The following GABRB2 variants were observed in gnomAD, a reference collection of about 807,000 sequenced individuals.
GABRB2 encodes gamma-aminobutyric acid type A receptor subunit beta2, also known as gamma-aminobutyric acid receptor subunit beta-2.
In GABRB2, 16 loss-of-function variants were observed where a neutral mutation model predicts 54.7. The observed-to-expected ratio is 0.29, with a 90% confidence interval of 0.20 to 0.44. The LOEUF (loss-of-function observed/expected upper bound fraction) is 0.44. Among genes scored for constraint, GABRB2 ranks in the 20% least tolerant of loss-of-function variants. The pLI, the probability that GABRB2 is intolerant of heterozygous loss-of-function variation, is 1.00. For missense variants in GABRB2, 355 were observed against 644.0 expected, an observed-to-expected ratio of 0.55 and a Z score of 4.86; for synonymous variants, 244 against 233.8, an observed-to-expected ratio of 1.04 and a Z score of -0.40.
intron 9 of GABRB2, among the ~76,000 whole-genome samples, chr5:161,321,262 T>C (rs966162803): frequency 2.0e-5 from 3 of 152,126 alleles, no homozygotes; most frequent in Non-Finnish European, 2.9e-5. Flanking sequence ...GTTCCTGTTA[T>C]AAATTAGCAA....
At chr5:161,306,004 T>C (rs1757681171) in intron 9 of GABRB2, among the ~76,000 whole-genome samples, 1 of 152,216 alleles carries the variant, frequency 6.6e-6, no homozygotes, top group African/African-American at 2.4e-5. Flanking sequence ...AATGTGAAAG[T>C]GGATCATGTT....
At chr5:161,481,598 C>G (rs1162335503) in intron 3 of GABRB2, among the ~76,000 whole-genome samples, 1 of 151,994 alleles carries the variant, frequency 6.6e-6, no homozygotes. Context: ...GTAACAGTAT[C>G]TAGCCTCATC....
intron 4 of GABRB2, among the ~76,000 whole-genome samples, chr5:161,446,077 T>C (rs1165882599): frequency 2.0e-5 from 3 of 152,210 alleles, no homozygotes; most frequent in Non-Finnish European, 2.9e-5. Context: ...TTATTATGTT[T>C]AACTTCCACA....
At chr5:161,511,710 TGAGG>T (rs772786432) in intron 3 of GABRB2, among the ~76,000 whole-genome samples, 3 of 151,984 alleles carry the variant, frequency 2.0e-5, no homozygotes, top group Non-Finnish European at 4.4e-5. Flanking sequence ...CTGAGGGCTG[TGAGG>T]GAAGAATCTG....
chr5:161,338,149 T>C (rs1483402278), intron 5 of GABRB2, among the ~76,000 whole-genome samples: 1 of 152,138 alleles, frequency 6.6e-6, no homozygotes, highest in Non-Finnish European at 1.5e-5. Flanking sequence ...ATACCTTCAA[T>C]TGGAGAATCT....
intron 8 of GABRB2, among the ~76,000 whole-genome samples, chr5:161,327,665 G>A (rs1297709900): frequency 1.3e-5 from 2 of 152,096 alleles, no homozygotes; most frequent in African/African-American, 2.4e-5. Flanking sequence ...TCCCACCTGG[G>A]CAGGCTTCCC....
At chr5:161,377,501 A>G (rs1457431450) in intron 5 of GABRB2, among the ~76,000 whole-genome samples, 1 of 152,138 alleles carries the variant, frequency 6.6e-6, no homozygotes, top group Non-Finnish European at 1.5e-5. Flanking sequence ...GTAATTAAAA[A>G]TCATTCTACC....
At chr5:161,412,476 T>C (rs374386792) in intron 4 of GABRB2, among the ~76,000 whole-genome samples, 1 of 151,852 alleles carries the variant, frequency 6.6e-6, no homozygotes, top group Non-Finnish European at 1.5e-5. Flanking sequence ...AGGAGCTTGG[T>C]CTCCCAGCCA....
At chr5:161,541,762 C>A (rs1217934945) in intron 3 of GABRB2, among the ~76,000 whole-genome samples, 1 of 152,186 alleles carries the variant, frequency 6.6e-6, no homozygotes, top group Non-Finnish European at 1.5e-5. Flanking sequence ...CTATCAAGAG[C>A]ACTAAAACTT....
chr5:161,499,010 C>T (rs1759343254), intron 3 of GABRB2, among the ~76,000 whole-genome samples: 1 of 152,124 alleles, frequency 6.6e-6, no homozygotes, highest in African/African-American at 2.4e-5. Flanking sequence ...ATGTTTACCC[C>T]CACATCCACA....
At chr5:161,472,201 G>A (rs1195091152) in intron 3 of GABRB2, among the ~76,000 whole-genome samples, 1 of 151,766 alleles carries the variant, frequency 6.6e-6, no homozygotes, top group Non-Finnish European at 1.5e-5. Context: ...CATTTTCCAA[G>A]TGACACATCT....
chr5:161,412,592 C>A (rs1489248079), intron 4 of GABRB2, among the ~76,000 whole-genome samples: 1 of 152,178 alleles, frequency 6.6e-6, no homozygotes, highest in Admixed American at 6.5e-5. Context: ...ATGGCTCTTC[C>A]AAGATGAGCC....
chr5:161,485,066 T>C (rs1008531430), intron 3 of GABRB2, among the ~76,000 whole-genome samples: 1 of 151,896 alleles, frequency 6.6e-6, no homozygotes, highest in Admixed American at 6.6e-5. Context: ...ACCGTTCCCT[T>C]CTCCTCTTCA....
chr5:161,483,203 A>G (rs1241390495), intron 3 of GABRB2, among the ~76,000 whole-genome samples: 10 of 151,982 alleles, frequency 6.6e-5, no homozygotes, highest in African/African-American at 2.4e-4. Flanking sequence ...AACATATTGC[A>G]TCGAACACCA....
At chr5:161,390,904 A>G (rs1007496775) in intron 5 of GABRB2, among the ~76,000 whole-genome samples, 1 of 152,104 alleles carries the variant, frequency 6.6e-6, no homozygotes, top group Non-Finnish European at 1.5e-5. Context: ...TTATATCTAC[A>G]CTTAACCATG....
At position 161,336,782 on chromosome 5, in the gene GABRB2, A is replaced by C. The variant is rs1434773965; in HGVS notation, c.542-13T>G. The C allele has an allele frequency of 6.2e-7, 1 of 1,608,892 alleles. No homozygotes were observed. Among genetic ancestry groups the C allele is most frequent in the East Asian group, 2.2e-5 (1 of 44,790 alleles). On this transcript the variant is annotated splice_polypyrimidine_tract_variant and intron_variant, in intron 5 of 9. Coordinates refer to ENST00000393959, the MANE Select transcript of GABRB2 (RefSeq NM_001371727.1). ...GTTGTGTATCCATCTGTGAAAGGAA[A>C]CATACACACACACACACACAAATAC...
At chr5:161,444,291 T>G (rs1757550278) in intron 4 of GABRB2, among the ~76,000 whole-genome samples, 1 of 152,138 alleles carries the variant, frequency 6.6e-6, no homozygotes, top group African/African-American at 2.4e-5. Context: ...AATAAAAAGT[T>G]ACATACATTT....
At chr5:161,405,201 T>C (rs77347041) in intron 5 of GABRB2, among the ~76,000 whole-genome samples, 13,941 of 152,042 alleles carry the variant, frequency 0.092, 1,741 homozygotes, top group African/African-American at 0.27. Flanking sequence ...AGGGTAAATG[T>C]TCCGTCCAAC....
intron 4 of GABRB2, among the ~76,000 whole-genome samples, chr5:161,449,054 G>A (rs1757717526): frequency 6.6e-6 from 1 of 152,094 alleles, no homozygotes; most frequent in African/African-American, 2.4e-5. Context: ...AGGGACCTTG[G>A]AAATCTAGAC....
Sources: allele counts gnomAD v4.1 joint callset (sites outside exome capture counted in the v4.1 genomes callset), GRCh38; gene constraint gnomAD v4.1.1; transcripts MANE v1.5; gene names NCBI Gene and HGNC (gene_info 2026-07-23, HGNC 2026-07-21).